Variants in XKR9 observed in about 807,000 individuals in gnomAD.
The protein encoded by XKR9 is XK-related protein 9.
XKR9 carries 32 observed loss-of-function variants against 32.0 expected under a neutral mutation model. The observed-to-expected ratio is 1.00, with a 90% CI of 0.76 to 1.34. XKR9 has a LOEUF of 1.34. XKR9 is among the 40% of genes most tolerant of loss of function. The pLI is 0.00. For synonymous variants in XKR9, 168 were observed against 143.4 expected, an observed-to-expected ratio of 1.17 and a Z score of -1.22; for missense variants, 546 against 429.7, an observed-to-expected ratio of 1.27 and a Z score of -2.39.
chr8:70,828,936 GT>G, the XKR9 span, among the ~76,000 whole-genome samples: 11 of 152,030 alleles, frequency 7.2e-5, no homozygotes, highest in African/African-American at 2.2e-4. Flanking sequence ...ATAATTTTCA[GT>G]TACTAACTTT....
intron 4 of XKR9, among the ~76,000 whole-genome samples, chr8:70,708,139 G>T (rs922369917): frequency 3.9e-5 from 6 of 151,964 alleles, no homozygotes; most frequent in African/African-American, 1.2e-4. Flanking sequence ...ATGATTGTGT[G>T]TATGAGATCT....
chr8:70,902,145 TG>T, the XKR9 span, among the ~76,000 whole-genome samples: 1 of 152,228 alleles, frequency 6.6e-6, no homozygotes, highest in Non-Finnish European at 1.5e-5. Flanking sequence ...GGCTCTTTTT[TG>T]GTTCCATATG....
intron 2 of XKR9, among the ~76,000 whole-genome samples, chr8:70,775,220 T>C (rs1235765110): frequency 1.3e-5 from 2 of 152,286 alleles, no homozygotes; most frequent in East Asian, 3.9e-4. Flanking sequence ...AGTCACTTTT[T>C]GGGTAAATTT....
chr8:70,814,454 TA>T, the XKR9 span, among the ~76,000 whole-genome samples: 2 of 147,902 alleles, frequency 1.4e-5, no homozygotes, highest in Non-Finnish European at 3.0e-5. Context: ...AATATTAAAA[TA>T]AAAAAATAAA....
intron 3 of XKR9, among the ~76,000 whole-genome samples, chr8:70,699,822 A>G (rs1393858932): frequency 2.0e-5 from 3 of 152,306 alleles, no homozygotes; most frequent in East Asian, 3.9e-4. Flanking sequence ...AGGAACACCA[A>G]TCAGATGTAG....
downstream of XKR9, among the ~76,000 whole-genome samples, chr8:70,740,145 T>G (rs1324338022): frequency 6.6e-6 from 1 of 152,202 alleles, no homozygotes; most frequent in African/African-American, 2.4e-5. Flanking sequence ...AGTCCCATAT[T>G]TCTTGGAGGC....
chr8:70,929,776 C>T, the XKR9 span, among the ~76,000 whole-genome samples: 35 of 152,304 alleles, frequency 2.3e-4, no homozygotes, highest in South Asian at 6.8e-3. Context: ...CTTCTACTGT[C>T]AGCCTGAGAA....
chr8:70,760,764 A>T (rs999028301), intron 2 of XKR9, among the ~76,000 whole-genome samples: 1 of 152,170 alleles, frequency 6.6e-6, no homozygotes, highest in South Asian at 2.1e-4. Context: ...GGTTTGTTAC[A>T]TAGGTAAGTG....
chr8:70,724,280 G>A (rs905758815), intron 4 of XKR9, among the ~76,000 whole-genome samples: 1 of 152,168 alleles, frequency 6.6e-6, no homozygotes, highest in African/African-American at 2.4e-5. Context: ...TATGCTGGCA[G>A]CGAGAATTTC....
the XKR9 span, among the ~76,000 whole-genome samples, chr8:70,975,276 T>C: frequency 6.6e-6 from 1 of 152,368 alleles, no homozygotes; most frequent in South Asian, 2.1e-4. Flanking sequence ...TTGGCTTTTG[T>C]TGCCATTGCT....
chr8:70,897,076 A>G, the XKR9 span, among the ~76,000 whole-genome samples: 1 of 151,860 alleles, frequency 6.6e-6, no homozygotes, highest in Non-Finnish European at 1.5e-5. Flanking sequence ...TCTACCCTCT[A>G]TCTCCATGAG....
At chr8:70,888,113 T>A in the XKR9 span, among the ~76,000 whole-genome samples, 1 of 152,020 alleles carries the variant, frequency 6.6e-6, no homozygotes, top group Admixed American at 6.6e-5. Context: ...ATACAATAAT[T>A]GTATCACACT....
At chr8:71,024,785 A>G in the XKR9 span, among the ~76,000 whole-genome samples, 1 of 152,196 alleles carries the variant, frequency 6.6e-6, no homozygotes. Flanking sequence ...TGGCAAGGTC[A>G]TCTGCCTCCC....
the XKR9 span, among the ~76,000 whole-genome samples, chr8:70,893,787 G>A: frequency 6.6e-6 from 1 of 152,070 alleles, no homozygotes; most frequent in Non-Finnish European, 1.5e-5. Context: ...TTGATGTCAG[G>A]TCTGACATGG....
the XKR9 span, among the ~76,000 whole-genome samples, chr8:70,921,724 G>T: frequency 6.6e-6 from 1 of 152,082 alleles, no homozygotes; most frequent in Non-Finnish European, 1.5e-5. Context: ...ACAAAGGAGC[G>T]GCTGGCAGGC....
At position 70,681,318 on chromosome 8, in the gene XKR9, G is replaced by A. The variant is rs773274225; in HGVS notation, c.260G>A (p.Gly87Glu). ...CFLLLHCLQG[G>E]VFTRYWFALK... is the part of the protein sequence containing the mutation. ...CTTCTACTTCATTGCTTGCAAGGAG[G>A]AGTTTTTACAAGGTGAGCATACATG... The change falls in exon 3 of 5, where the codon GGA becomes GAA. Residue 87 changes from glycine (G) to glutamate (E), a missense_variant. Transcript: ENST00000408926. 2.5e-6 allele frequency: 4 copies of A among 1,611,926 alleles called. No homozygotes were observed. The East Asian group carries it at 6.7e-5, about 27-fold the overall frequency.
intron 3 of XKR9, among the ~76,000 whole-genome samples, chr8:70,700,085 A>G (rs1805462359): frequency 1.3e-5 from 2 of 152,144 alleles, no homozygotes; most frequent in African/African-American, 4.8e-5. Flanking sequence ...ACATTTGTCT[A>G]AATTTTTTTC....
the XKR9 span, among the ~76,000 whole-genome samples, chr8:70,954,258 G>A: frequency 2.6e-5 from 4 of 152,074 alleles, no homozygotes; most frequent in Non-Finnish European, 5.9e-5. Flanking sequence ...TGTAGCCTGG[G>A]ACTGTTTACC....
chr8:70,730,624 G>A (rs1280916314), intron 4 of XKR9, among the ~76,000 whole-genome samples: 1 of 152,058 alleles, frequency 6.6e-6, no homozygotes, highest in Non-Finnish European at 1.5e-5. Context: ...GTAGTTCAGA[G>A]AAAGGAAAAT....
Sources: allele counts gnomAD v4.1 joint callset (sites outside exome capture counted in the v4.1 genomes callset), GRCh38; gene constraint gnomAD v4.1.1; transcripts MANE v1.5; gene names NCBI Gene and HGNC (gene_info 2026-07-23, HGNC 2026-07-21).